NACC2: variants seen among roughly 807,000 people sequenced by gnomAD.
The protein encoded by NACC2 is NACC family member 2.
In NACC2, 8 loss-of-function variants were observed where a neutral mutation model predicts 25.1. That is an observed-to-expected ratio of 0.32 (90% CI 0.19 to 0.57). The LOEUF (loss-of-function observed/expected upper bound fraction) is 0.57, where lower values mean the gene tolerates loss of function less well. NACC2 is among the 20% of genes least tolerant of loss of function. The pLI is 0.89. For missense variants in NACC2, 644 were observed against 650.2 expected, an observed-to-expected ratio of 0.99 and a Z score of 0.10; for synonymous variants, 435 against 294.7, an observed-to-expected ratio of 1.48 and a Z score of -4.88.
chr9:136,051,435 C>T (rs1840834193), intron 1 of NACC2, among the ~76,000 whole-genome samples: 2 of 152,188 alleles, frequency 1.3e-5, no homozygotes, highest in African/African-American at 4.8e-5. Context: ...TACAGGGGTC[C>T]CAGCCCTCGC....
chr9:136,059,373 A>G (rs552186216), intron 1 of NACC2, among the ~76,000 whole-genome samples: 2 of 152,282 alleles, frequency 1.3e-5, no homozygotes, highest in South Asian at 2.1e-4. Flanking sequence ...CCAGCTCAGC[A>G]CCTCCAGAGA....
At position 136,082,494 on chromosome 9, in the gene NACC2, G is replaced by C. The variant is rs1004991927; in HGVS notation, c.-60+12695C>G. 5.3e-5 allele frequency among the ~76,000 whole-genome samples: 8 copies of C among 152,210 alleles called. 1 individual carries two copies. In the South Asian group the frequency reaches 1.7e-3, roughly 32 times the overall value. ...AGGTCTGGGCAGGTGTGTGCAGGGC[G>C]GAGCTGACAGTGGCCCTCATCTCAA... On this transcript the variant is annotated intron_variant, in intron 1 of 5. Coordinates refer to ENST00000277554, the MANE Select transcript of NACC2 (RefSeq NM_144653.5).
chr9:136,018,143 C>A lies in NACC2; in HGVS notation c.887-1714G>T, dbSNP rs543158733. Among the ~76,000 whole-genome samples the A allele has an allele frequency of 6.6e-6, 1 of 152,134 alleles. No individual in the cohort carries two copies. Among genetic ancestry groups the A allele is most frequent in the African/African-American group, 2.4e-5 (1 of 41,438 alleles). On this transcript the variant is annotated intron_variant, in intron 2 of 5. Transcript: ENST00000277554. The surrounding 1 kb of genome is among the most constrained non-coding windows in gnomAD (Gnocchi z 4.4). ...ATGCAGAGCCCACCTGCGGCCGCAC[C>A]GCACCAGGACGCTCAGAGGCAGGTG...
intron 1 of NACC2, among the ~76,000 whole-genome samples, chr9:136,053,498 T>A (rs1236794316): frequency 2.0e-5 from 3 of 151,732 alleles, no homozygotes; most frequent in Non-Finnish European, 4.4e-5. Flanking sequence ...GCTGTCACCC[T>A]CCCCGCCACA....
chr9:136,016,775 C>T (rs925087678), intron 2 of NACC2, among the ~76,000 whole-genome samples: 8 of 152,244 alleles, frequency 5.3e-5, no homozygotes, highest in South Asian at 4.1e-4. Context: ...GCCTGCTTGC[C>T]GGGCAGGAGT....
intron 1 of NACC2, among the ~76,000 whole-genome samples, chr9:136,085,314 C>A (rs1370383260): frequency 6.6e-6 from 1 of 151,036 alleles, no homozygotes; most frequent in Non-Finnish European, 1.5e-5. Context: ...TGTGCCCGAC[C>A]CAAAAAAATT....
chr9:136,079,307 C>T (rs773843162), intron 1 of NACC2, among the ~76,000 whole-genome samples: 6 of 152,164 alleles, frequency 3.9e-5, no homozygotes, highest in Non-Finnish European at 8.8e-5. Context: ...GGCTGCCTGG[C>T]ACCCAGCCAC....
At chr9:136,023,708 C>T (rs960248784) in intron 2 of NACC2, among the ~76,000 whole-genome samples, 6 of 152,344 alleles carry the variant, frequency 3.9e-5, no homozygotes, top group African/African-American at 1.2e-4. Flanking sequence ...AGGACATCCT[C>T]GAGGCAGCAG....
At position 136,013,163 on chromosome 9, in the gene NACC2, C is replaced by CCGGCCCCCCCCCCCCCCA; in HGVS notation, c.1255+35_1255+36insTGGGGGGGGGGGGGGCCG. The CCGGCCCCCCCCCCCCCCA allele has an allele frequency of 2.4e-6, 2 of 844,766 alleles. No homozygotes were observed. The highest frequency in any genetic ancestry group is 4.1e-6 in the Non-Finnish European group (2 of 491,728). The allele number at this position is 844,766 out of a possible 1,614,324, so 52.3% of individuals were successfully genotyped here. A position where few individuals can be genotyped will look rare whatever the true frequency, so the allele number is the denominator to read the frequency against. Reference sequence around the variant, plus strand: ...TCAGGCTGGGATCTGAACCCAGCCCCGGCCCCACCCACCCGAGAGACCCCC... The same window carrying CCGGCCCCCCCCCCCCCCA: ...TCAGGCTGGGATCTGAACCCAGCCCCCGGCCCCCCCCCCCCCCAGGCCCCACCCACCCGAGAGACCCCC... On this transcript the variant is annotated intron_variant, in intron 5 of 5. Coordinates refer to ENST00000277554, the MANE Select transcript of NACC2 (RefSeq NM_144653.5). This position sits in a 1 kb window ranked among gnomAD's most constrained non-coding sequence, Gnocchi z 6.6.
intron 2 of NACC2, among the ~76,000 whole-genome samples, chr9:136,046,167 C>T (rs1840721005): frequency 1.3e-5 from 2 of 152,228 alleles, no homozygotes; most frequent in Non-Finnish European, 2.9e-5. Flanking sequence ...TGGCCCCTGA[C>T]TCACCCCCGT....
chr9:136,060,682 G>C (rs1391780163), intron 1 of NACC2, among the ~76,000 whole-genome samples: 1 of 152,258 alleles, frequency 6.6e-6, no homozygotes, highest in East Asian at 1.9e-4. Context: ...AGGTGCCAGT[G>C]GGGGCTGCAG....
chr9:136,062,110 A>G (rs943027611), intron 1 of NACC2, among the ~76,000 whole-genome samples: 11 of 137,880 alleles, frequency 8.0e-5, no homozygotes, highest in African/African-American at 2.6e-4. Context: ...TGGGCAACAG[A>G]GCGAGACAGG....
At chr9:136,091,379 CCTGAGCCCAGGGTT>C (rs1564246239) in intron 1 of NACC2, among the ~76,000 whole-genome samples, 1 of 152,200 alleles carries the variant, frequency 6.6e-6, no homozygotes, top group African/African-American at 2.4e-5. Context: ...TCCCAGGAGA[CCTGAGCCCAGGGTT>C]CTGGCTGCCA....
chr9:136,024,526 TGTGTGTG>T (rs1564221763), intron 2 of NACC2, among the ~76,000 whole-genome samples: 1 of 132,868 alleles, frequency 7.5e-6, no homozygotes. Flanking sequence ...TGTGTGTGTG[TGTGTGTG>T]GACAGTGTGT....
chr9:136,040,974 A>G, intron 2 of NACC2, among the ~76,000 whole-genome samples: 1 of 151,772 alleles, frequency 6.6e-6, no homozygotes, highest in Non-Finnish European at 1.5e-5. Flanking sequence ...AAAGAAAGAA[A>G]GAAAGAAAAG....
intron 2 of NACC2, among the ~76,000 whole-genome samples, chr9:136,039,339 G>C (rs1426562387): frequency 1.3e-5 from 2 of 152,290 alleles, no homozygotes; most frequent in Non-Finnish European, 2.9e-5. Context: ...CAGTAAATTG[G>C]TAATTAAAAG....
In NACC2 at chr9:136,040,002, T is replaced by A. The variant is rs1026752494; in HGVS notation, c.886+9634A>T. Among the ~76,000 whole-genome samples the A allele has an allele frequency of 1.2e-4, 18 of 152,236 alleles. No homozygotes were observed. The East Asian group carries it at 2.1e-3, about 18-fold the overall frequency. ...ATTTACGGAAAGCTATTAGAACTAA[T>A]CACTAAAGGTAGCAAGGTTGTAGAA... On this transcript the variant is annotated intron_variant, in intron 2 of 5. Transcript: ENST00000277554.
chr9:136,012,809 G>T (rs901117677), intron 5 of NACC2, among the ~76,000 whole-genome samples: 1 of 152,258 alleles, frequency 6.6e-6, no homozygotes, highest in Admixed American at 6.5e-5. Flanking sequence ...GCGGCGGTCT[G>T]CCCTGGAGAT....
At chr9:136,042,761 C>T (rs1015028848) in intron 2 of NACC2, among the ~76,000 whole-genome samples, 4 of 149,386 alleles carry the variant, frequency 2.7e-5, no homozygotes, top group African/African-American at 9.8e-5. Flanking sequence ...CAGAGACACA[C>T]ACACAGAGAC....
Sources: gnomAD v4.1 joint callset for allele counts (sites outside exome capture counted in the v4.1 genomes callset) on GRCh38, gnomAD v4.1.1 for gene constraint, Gnocchi (gnomAD v3.1) non-coding constraint, MANE v1.5 for transcripts, NCBI Gene and HGNC (gene_info 2026-07-23, HGNC 2026-07-21) for gene names.